The following PNPT1 variants were observed in gnomAD, a reference collection of about 807,000 sequenced individuals.
PNPT1 encodes polyribonucleotide nucleotidyltransferase 1, mitochondrial.
A neutral mutation model predicts 119.5 loss-of-function variants in PNPT1; 53 were observed. That is an observed-to-expected ratio of 0.44 (90% CI 0.36 to 0.56). The LOEUF is 0.56. PNPT1 is among the 20% of genes least tolerant of loss of function. The pLI is 0.00. For synonymous variants in PNPT1, 357 were observed against 322.1 expected, an observed-to-expected ratio of 1.11 and a Z score of -1.16; for missense variants, 948 against 938.5, an observed-to-expected ratio of 1.01 and a Z score of -0.13.
intron 25 of PNPT1, among the ~76,000 whole-genome samples, chr2:55,641,839 A>G (rs1476060489): frequency 6.6e-6 from 1 of 151,392 alleles, no homozygotes; most frequent in Non-Finnish European, 1.5e-5. Context: ...TTTGAGACTG[A>G]AATTGGCTTT....
At position 55,683,776 on chromosome 2, in the gene PNPT1, A is replaced by G. The variant is rs1480178879; in HGVS notation, c.453+9T>C. On this transcript the variant is annotated intron_variant, in intron 5 of 27. Transcript: ENST00000447944. The stretch of plus-strand genomic sequence containing the variant: ...ATCTGGCAACTAAAAAACCTAAAGC[A>G]GAATCTACCTGTGTATCATAGAAGT... The G allele has an allele frequency of 4.4e-6, 7 of 1,608,422 alleles. No individual in the cohort carries two copies. Among genetic ancestry groups the G allele is most frequent in the Non-Finnish European group, 5.9e-6 (7 of 1,176,480 alleles).
At chr2:55,686,528 A>G (rs1415507779) in intron 2 of PNPT1, 84 bp from the exon 3 acceptor site, 1 of 946,454 alleles carries the variant, frequency 1.1e-6, no homozygotes, top group Admixed American at 2.7e-5. Context: ...TCCTTACTCC[A>G]ATTAAACTCA....
intron 18 of PNPT1, among the ~76,000 whole-genome samples, chr2:55,648,394 T>G (rs1298474166): frequency 1.3e-5 from 2 of 152,206 alleles, no homozygotes; most frequent in African/African-American, 4.8e-5. Flanking sequence ...GGTATGTGCA[T>G]TTACGTTTGT....
In PNPT1 at chr2:55,645,419, C is replaced by T. The variant is rs753685102; in HGVS notation, c.1752G>A (p.Glu584=). The part of the protein sequence containing the change: ...AIQQASVAKK[E]ILQIMNKTIS... ...TAGTTTTGTTCATGATCTGTAATAT[C>T]TCCTTTTTTGCCACTAGAAGAGAAA... The change falls in exon 22 of 28, where the codon GAG becomes GAA. Residue 584 remains glutamate (E), a synonymous_variant. Transcript: ENST00000447944. The T allele has an allele frequency of 6.2e-7, 1 of 1,609,378 alleles. No individual in the cohort carries two copies. Among genetic ancestry groups the T allele is most frequent in the Non-Finnish European group, 8.5e-7 (1 of 1,176,792 alleles).
chr2:55,643,024 G>A lies in PNPT1; in HGVS notation c.2069+134C>T, dbSNP rs150537586. The A allele has an allele frequency of 2.0e-4, 174 of 862,194 alleles. 2 individuals carry two copies. In the African/African-American group the frequency reaches 2.7e-3, roughly 13 times the overall value. 53.4% of individuals were successfully genotyped at this position (862,194 alleles called of 1,614,324 possible). The stretch of plus-strand genomic sequence containing the variant: ...TCCTAAATAGGAGGCTGAGGTGGGA[G>A]AACTGCCTGATCCCAGGAGTTCAAG... On this transcript the variant is annotated intron_variant, in intron 25 of 27. Coordinates refer to ENST00000447944, the MANE Select transcript of PNPT1 (RefSeq NM_033109.5).
At chr2:55,679,645 A>T in intron 8 of PNPT1, 37 bp downstream of exon 8, 1 of 1,411,230 alleles carries the variant, frequency 7.1e-7, no homozygotes, top group Non-Finnish European at 1.0e-6. Flanking sequence ...ACTTGTAAGT[A>T]AAATCCAGAA....
chr2:55,640,097 G>A (rs1258064778), intron 26 of PNPT1, among the ~76,000 whole-genome samples: 3 of 151,860 alleles, frequency 2.0e-5, no homozygotes, highest in Admixed American at 6.6e-5. Context: ...TTTCTGGGCC[G>A]GTAATATACT....
At chr2:55,650,133 C>T (rs1320780991) in intron 18 of PNPT1, among the ~76,000 whole-genome samples, 2 of 133,640 alleles carry the variant, frequency 1.5e-5, no homozygotes, top group Non-Finnish European at 3.4e-5. Flanking sequence ...GCCCTCTCTC[C>T]CTCTCTCCAC....
chr2:55,674,768 G>A (rs998377642), intron 8 of PNPT1, among the ~76,000 whole-genome samples: 5 of 152,170 alleles, frequency 3.3e-5, no homozygotes, highest in Admixed American at 6.5e-5. Flanking sequence ...CCAAATGGGA[G>A]AGGGTAAAGG....
In PNPT1 at chr2:55,657,050, C is replaced by T. The variant is rs146707389; in HGVS notation, c.1285-679G>A. 4.1e-4 allele frequency among the ~76,000 whole-genome samples: 62 copies of T among 152,238 alleles called. No homozygotes were observed. In the East Asian group the frequency reaches 6.0e-3, roughly 15 times the overall value. On this transcript the variant is annotated intron_variant, in intron 15 of 27. Coordinates refer to ENST00000447944, the MANE Select transcript of PNPT1 (RefSeq NM_033109.5). ...CCCATAAAAATCTGTAATTTCAGGC[C>T]GGGCGCAGTGGCTCATGCCTGTAAT...
At chr2:55,656,409 G>A (rs764050964) in intron 15 of PNPT1, 38 bp from the exon 16 acceptor site, 9 of 1,507,410 alleles carry the variant, frequency 6.0e-6, no homozygotes, top group Non-Finnish European at 8.1e-6. Flanking sequence ...ATATACAATT[G>A]ACATAGAAAG....
intron 1 of PNPT1, among the ~76,000 whole-genome samples, chr2:55,691,866 A>ATATATATATATC (rs1697614992): frequency 1.3e-5 from 1 of 77,294 alleles, no homozygotes; most frequent in African/African-American, 6.1e-5. Flanking sequence ...ATATATATAT[A>ATATATATATATC]TATATATATA....
At chr2:55,692,795 C>A (rs1446775106) in intron 1 of PNPT1, among the ~76,000 whole-genome samples, 1 of 152,144 alleles carries the variant, frequency 6.6e-6, no homozygotes, top group Non-Finnish European at 1.5e-5. Flanking sequence ...TTTAGGCAAT[C>A]AATTAGATTG....
intron 5 of PNPT1, among the ~76,000 whole-genome samples, chr2:55,682,525 A>G (rs1369118343): frequency 6.6e-6 from 1 of 152,144 alleles, no homozygotes; most frequent in Non-Finnish European, 1.5e-5. Context: ...TAACGTGCCC[A>G]TGTCATGCAC....
At chr2:55,658,859 C>T (rs1373617690) in intron 15 of PNPT1, among the ~76,000 whole-genome samples, 1 of 152,208 alleles carries the variant, frequency 6.6e-6, no homozygotes, top group African/African-American at 2.4e-5. Flanking sequence ...ACAGCAGATT[C>T]AGCAAGAGTG....
intron 8 of PNPT1, among the ~76,000 whole-genome samples, chr2:55,676,395 G>C (rs531263628): frequency 2.0e-5 from 3 of 151,928 alleles, no homozygotes; most frequent in East Asian, 3.9e-4. Flanking sequence ...ACATGTTACT[G>C]GTATACTTTT....
intron 1 of PNPT1, among the ~76,000 whole-genome samples, chr2:55,691,874 A>AT (rs1559116755): frequency 5.4e-3 from 67 of 12,350 alleles, no homozygotes; most frequent in Non-Finnish European, 6.0e-3. Flanking sequence ...ATATATATAT[A>AT]TATATTTTTT....
chr2:55,677,614 AAAAAAAAAG>A (rs1336641436), intron 8 of PNPT1, among the ~76,000 whole-genome samples: 1 of 151,328 alleles, frequency 6.6e-6, no homozygotes, highest in African/African-American at 2.4e-5. Flanking sequence ...AAAAAAAAAA[AAAAAAAAAG>A]ATTATTAGTT....
chr2:55,670,347 C>T (rs934682035), intron 11 of PNPT1, among the ~76,000 whole-genome samples: 8 of 151,962 alleles, frequency 5.3e-5, no homozygotes, highest in African/African-American at 1.2e-4. Context: ...CCACCACGCC[C>T]GGCTAACTTT....
Sources: allele counts gnomAD v4.1 joint callset (sites outside exome capture counted in the v4.1 genomes callset), GRCh38; gene constraint gnomAD v4.1.1; transcripts MANE v1.5; gene names NCBI Gene and HGNC (gene_info 2026-07-23, HGNC 2026-07-21).